The following VIT variants were observed in gnomAD, a reference collection of about 807,000 sequenced individuals.
VIT encodes vitrin.
A neutral mutation model predicts 78.0 loss-of-function variants in VIT; 99 were observed. That is an observed-to-expected ratio of 1.27 (90% CI 1.08 to 1.50). The LOEUF is 1.50. Among genes scored for constraint, VIT ranks in the 40% most tolerant of loss-of-function variants. The pLI, the probability that VIT is intolerant of heterozygous loss-of-function variation, is 0.00. For synonymous variants in VIT, 374 were observed against 334.3 expected, an observed-to-expected ratio of 1.12 and a Z score of -1.29; for missense variants, 1,126 against 875.3, an observed-to-expected ratio of 1.29 and a Z score of -3.61.
chr2:36,727,827 G>A (rs1410625329), intron 2 of VIT, among the ~76,000 whole-genome samples: 1 of 152,238 alleles, frequency 6.6e-6, no homozygotes, highest in African/African-American at 2.4e-5. Context: ...AGCCTACTGA[G>A]CCGCCAGCTG....
At chr2:36,793,440 A>G (rs375971081) in intron 12 of VIT, among the ~76,000 whole-genome samples, 94 of 152,314 alleles carry the variant, frequency 6.2e-4, no homozygotes, top group African/African-American at 2.1e-3. Context: ...AGATTGGCCC[A>G]GGACGCTGCA....
At chr2:36,788,341 A>G (rs917200909) in intron 12 of VIT, among the ~76,000 whole-genome samples, 2 of 152,250 alleles carry the variant, frequency 1.3e-5, no homozygotes, top group Non-Finnish European at 2.9e-5. Flanking sequence ...AAAGAGATCA[A>G]TATTAATTTT....
At chr2:36,770,976 G>C (rs1339721560) in intron 7 of VIT, among the ~76,000 whole-genome samples, 1 of 152,216 alleles carries the variant, frequency 6.6e-6, no homozygotes, top group Admixed American at 6.5e-5. Context: ...CTAAGCGGGA[G>C]AAAGTGAAAT....
chr2:36,729,575 G>A, intron 3 of VIT, 84 bp downstream of exon 3: 2 of 1,441,712 alleles, frequency 1.4e-6, no homozygotes, highest in Admixed American at 4.3e-5. Context: ...GGTAATTTTT[G>A]TTTTGGTTTG....
intron 1 of VIT, among the ~76,000 whole-genome samples, chr2:36,706,895 T>C (rs772663850): frequency 6.6e-5 from 10 of 151,920 alleles, no homozygotes; most frequent in Admixed American, 2.0e-4. Flanking sequence ...ATGTGAGGAG[T>C]TGGCAGGGTA....
intron 1 of VIT, among the ~76,000 whole-genome samples, chr2:36,699,645 G>GATAC (rs1664918329): frequency 1.3e-5 from 2 of 151,434 alleles, no homozygotes; most frequent in South Asian, 4.2e-4. Flanking sequence ...TAGATAGATA[G>GATAC]ATAGATAGAT....
At chr2:36,697,948 G>A (rs1457337924) in intron 1 of VIT, among the ~76,000 whole-genome samples, 2 of 152,132 alleles carry the variant, frequency 1.3e-5, no homozygotes, top group African/African-American at 4.8e-5. Flanking sequence ...TTTTCCCTTG[G>A]TCTCTTGAAA....
At chr2:36,783,188 T>C (rs1157465050) in intron 10 of VIT, 152 bp from the exon 11 acceptor site, 2 of 581,660 alleles carry the variant, frequency 3.4e-6, no homozygotes, top group Non-Finnish European at 6.1e-6. Context: ...TTATTATTTT[T>C]CTCAGGATGG....
At chr2:36,796,879 A>G (rs1665941868) in intron 12 of VIT, among the ~76,000 whole-genome samples, 1 of 152,176 alleles carries the variant, frequency 6.6e-6, no homozygotes, top group African/African-American at 2.4e-5. Context: ...AGACACCCTC[A>G]GGAAATTGTG....
chr2:36,724,539 G>C (rs951284191), intron 2 of VIT, among the ~76,000 whole-genome samples: 1 of 152,202 alleles, frequency 6.6e-6, no homozygotes, highest in African/African-American at 2.4e-5. Context: ...GGGGATTGCT[G>C]GGGAGGAGTG....
intron 11 of VIT, 83 bp from the exon 12 acceptor site, chr2:36,787,046 G>T: frequency 6.5e-7 from 1 of 1,543,170 alleles, no homozygotes; most frequent in Admixed American, 1.7e-5. Flanking sequence ...AGGGGGCTCT[G>T]ATGGAGAAAG....
chr2:36,778,260 G>C (rs1670189498), intron 9 of VIT, among the ~76,000 whole-genome samples: 1 of 152,168 alleles, frequency 6.6e-6, no homozygotes, highest in Non-Finnish European at 1.5e-5. Context: ...TCCTACTCCA[G>C]AGTCATCAGC....
chr2:36,774,252 G>C (rs934990845), intron 8 of VIT, among the ~76,000 whole-genome samples: 2 of 137,270 alleles, frequency 1.5e-5, no homozygotes, highest in Non-Finnish European at 3.3e-5. Flanking sequence ...TCTATGCCAC[G>C]GGGGACAGAA....
Position 36,789,843 on chromosome 2 carries a change from A to G in VIT, c.1058+2567A>G, listed in dbSNP as rs182106184. On this transcript the variant is annotated intron_variant, in intron 12 of 15. Transcript: ENST00000379242. ...GGCCCTACAAACAAATGACCGCCTC[A>G]TCAAGAACTAGCACTGGAAGGAGAG... Among the ~76,000 whole-genome samples, 12 of 152,282 alleles carry G rather than the reference A, an allele frequency of 7.9e-5. No homozygotes were observed. The East Asian group carries it at 2.3e-3, about 29-fold the overall frequency.
At chr2:36,715,065 T>C (rs975734137) in intron 1 of VIT, among the ~76,000 whole-genome samples, 9 of 152,328 alleles carry the variant, frequency 5.9e-5, no homozygotes, top group Admixed American at 3.9e-4. Flanking sequence ...AGTCTGTTCA[T>C]TCTTCAAAGT....
intron 4 of VIT, among the ~76,000 whole-genome samples, chr2:36,746,977 C>T (rs1203380171): frequency 6.6e-6 from 1 of 152,070 alleles, no homozygotes; most frequent in African/African-American, 2.4e-5. Context: ...TTCACTGCAA[C>T]CCAGAGATTT....
chr2:36,746,059 A>C (rs1668114928), intron 4 of VIT, among the ~76,000 whole-genome samples: 1 of 152,160 alleles, frequency 6.6e-6, no homozygotes, highest in African/African-American at 2.4e-5. Context: ...GTCTATTGAG[A>C]TGATCACATG....
intron 9 of VIT, among the ~76,000 whole-genome samples, chr2:36,780,520 T>C (rs1664675696): frequency 1.3e-5 from 2 of 152,208 alleles, no homozygotes; most frequent in Non-Finnish European, 2.9e-5. Flanking sequence ...TTGCCCAATC[T>C]GCTTATATTA....
At chr2:36,711,658 T>C (rs559668542) in intron 1 of VIT, among the ~76,000 whole-genome samples, 16 of 152,332 alleles carry the variant, frequency 1.1e-4, no homozygotes, top group Admixed American at 2.6e-4. Flanking sequence ...CCAAACACTA[T>C]TCCAGGCTCT....
Sources: gnomAD v4.1 joint callset for allele counts (sites outside exome capture counted in the v4.1 genomes callset) on GRCh38, gnomAD v4.1.1 for gene constraint, MANE v1.5 for transcripts, NCBI Gene and HGNC (gene_info 2026-07-23, HGNC 2026-07-21) for gene names.